PRKCB: variants seen among roughly 807,000 people sequenced by gnomAD.
PRKCB encodes the protein protein kinase C beta type.
Under a neutral mutation model 81.5 loss-of-function variants are expected in PRKCB, and 13 were observed. The ratio of observed to expected loss-of-function variants is 0.16; its 90% confidence interval spans 0.10 to 0.25. PRKCB has a LOEUF of 0.25. Ranked by LOEUF, PRKCB falls within the 10% of genes least tolerant of loss-of-function variation. PRKCB has a pLI of 1.00. For synonymous variants in PRKCB, 335 were observed against 321.4 expected, an observed-to-expected ratio of 1.04 and a Z score of -0.45; for missense variants, 509 against 875.7, an observed-to-expected ratio of 0.58 and a Z score of 5.29.
At chr16:23,865,530 T>A (rs1962772468) in intron 2 of PRKCB, among the ~76,000 whole-genome samples, 1 of 8,380 alleles carries the variant, frequency 1.2e-4, no homozygotes, top group Admixed American at 1.6e-3. Context: ...TGTGTGTGTG[T>A]GTGTGTGTGT....
At chr16:23,996,419 G>T (rs756875935) in intron 3 of PRKCB, among the ~76,000 whole-genome samples, 1 of 152,150 alleles carries the variant, frequency 6.6e-6, no homozygotes, top group East Asian at 1.9e-4. Flanking sequence ...TATGGCCACC[G>T]CTGAGTGCTC....
intron 3 of PRKCB, among the ~76,000 whole-genome samples, chr16:23,989,085 C>T (rs927709773): frequency 6.6e-6 from 1 of 152,034 alleles, no homozygotes; most frequent in East Asian, 1.9e-4. Flanking sequence ...CTCAGCCTCC[C>T]GAGGAGCTGG....
At chr16:23,927,366 G>T (rs933504112) in intron 2 of PRKCB, among the ~76,000 whole-genome samples, 2 of 152,084 alleles carry the variant, frequency 1.3e-5, no homozygotes, top group African/African-American at 4.8e-5. Flanking sequence ...TATTTTCAGG[G>T]TAGGGGATGT....
chr16:23,851,785 T>C (rs939422126), intron 2 of PRKCB, among the ~76,000 whole-genome samples: 3 of 152,230 alleles, frequency 2.0e-5, no homozygotes, highest in Admixed American at 1.3e-4. Flanking sequence ...GTTTTCAGTA[T>C]ACAGATAGTT....
At chr16:23,986,418 A>G (rs1031296429) in intron 2 of PRKCB, among the ~76,000 whole-genome samples, 10 of 151,750 alleles carry the variant, frequency 6.6e-5, no homozygotes, top group African/African-American at 2.4e-4. Flanking sequence ...ATGTCTGGCT[A>G]ATCTTTTATT....
At chr16:23,987,051 A>G (rs1372632693) in intron 2 of PRKCB, among the ~76,000 whole-genome samples, 1 of 152,192 alleles carries the variant, frequency 6.6e-6, no homozygotes, top group Non-Finnish European at 1.5e-5. Context: ...TCAGAAAGTG[A>G]GTATATCCAT....
At chr16:23,911,691 T>C (rs986881246) in intron 2 of PRKCB, among the ~76,000 whole-genome samples, 30 of 152,138 alleles carry the variant, frequency 2.0e-4, no homozygotes, top group African/African-American at 7.2e-4. Flanking sequence ...TGTTTCCCAC[T>C]CACCTTTCCA....
intron 5 of PRKCB, among the ~76,000 whole-genome samples, chr16:24,054,095 C>T (rs1276778149): frequency 6.6e-6 from 1 of 152,160 alleles, no homozygotes; most frequent in African/African-American, 2.4e-5. Context: ...GCCTCAGCCT[C>T]CTGAGTAGCT....
intron 4 of PRKCB, among the ~76,000 whole-genome samples, chr16:24,032,747 C>T (rs1166226690): frequency 6.6e-6 from 1 of 152,206 alleles, no homozygotes; most frequent in African/African-American, 2.4e-5. Context: ...GGCAGCCACA[C>T]TTCAAGTCTC....
chr16:24,125,507 C>A (rs1008882365), intron 9 of PRKCB, among the ~76,000 whole-genome samples: 1 of 152,204 alleles, frequency 6.6e-6, no homozygotes, highest in African/African-American at 2.4e-5. Flanking sequence ...AACTTAGACG[C>A]CACTTCTTCT....
At chr16:24,111,213 C>G (rs1029316582) in intron 7 of PRKCB, 2 of 152,078 alleles carry the variant, frequency 1.3e-5, no homozygotes, top group Non-Finnish European at 1.5e-5. Flanking sequence ...AATGTGGAGG[C>G]GTAGAGGCTC....
chr16:24,070,441 G>A (rs900508461), intron 5 of PRKCB, among the ~76,000 whole-genome samples: 2 of 152,072 alleles, frequency 1.3e-5, no homozygotes, highest in Admixed American at 6.6e-5. Flanking sequence ...GAGCCGTTGC[G>A]CCCGGCCTTG....
intron 9 of PRKCB, among the ~76,000 whole-genome samples, chr16:24,149,212 C>T (rs1967039092): frequency 6.6e-6 from 1 of 152,182 alleles, no homozygotes; most frequent in South Asian, 2.1e-4. Flanking sequence ...CTCTTCACCA[C>T]ATTCTGTTCA....
chr16:24,093,098 C>T (rs1052049037), intron 6 of PRKCB, 151 bp downstream of exon 6: 2 of 872,698 alleles, frequency 2.3e-6, no homozygotes, highest in South Asian at 2.2e-5. Context: ...CCTATCTTTC[C>T]CTCCCTTCTT....
chr16:23,930,414 C>T (rs1963954869), intron 2 of PRKCB, among the ~76,000 whole-genome samples: 1 of 151,972 alleles, frequency 6.6e-6, no homozygotes, highest in African/African-American at 2.4e-5. Flanking sequence ...ACTAAAAATA[C>T]AAAAATTAGC....
At chr16:24,143,274 A>G (rs1244703100) in intron 9 of PRKCB, among the ~76,000 whole-genome samples, 2 of 152,106 alleles carry the variant, frequency 1.3e-5, no homozygotes, top group Non-Finnish European at 2.9e-5. Context: ...CTGGGATTAC[A>G]GATGTGCACC....
At chr16:23,882,997 G>A (rs2141110492) in intron 2 of PRKCB, among the ~76,000 whole-genome samples, 2 of 152,238 alleles carry the variant, frequency 1.3e-5, no homozygotes, top group East Asian at 3.9e-4. Flanking sequence ...CTGCACCACA[G>A]CTCCAGTGGA....
chr16:24,035,608 G>T, intron 5 of PRKCB, 61 bp downstream of exon 5: 1 of 1,544,956 alleles, frequency 6.5e-7, no homozygotes, highest in Non-Finnish European at 8.8e-7. Context: ...ATTGAGAAGG[G>T]GAGGGTGGCG....
chr16:24,010,235 C>T (rs961743019), intron 3 of PRKCB, among the ~76,000 whole-genome samples: 7 of 152,270 alleles, frequency 4.6e-5, no homozygotes, highest in African/African-American at 9.6e-5. Context: ...AAAGGGGCAG[C>T]GGCACTCAGC....
Sources: gnomAD v4.1 joint callset for allele counts (sites outside exome capture counted in the v4.1 genomes callset) on GRCh38, gnomAD v4.1.1 for gene constraint, MANE v1.5 for transcripts, NCBI Gene and HGNC (gene_info 2026-07-23, HGNC 2026-07-21) for gene names.